Variants in GALNT13 observed in about 807,000 individuals in gnomAD.
The protein encoded by GALNT13 is polypeptide N-acetylgalactosaminyltransferase 13.
In GALNT13, 28 loss-of-function variants were observed where a neutral mutation model predicts 64.2. The ratio of observed to expected loss-of-function variants is 0.44; its 90% CI spans 0.32 to 0.60. The LOEUF (loss-of-function observed/expected upper bound fraction) is 0.60, where lower values mean the gene tolerates loss of function less well. Ranked by LOEUF, GALNT13 falls within the 20% of genes least tolerant of loss-of-function variation. The pLI is 0.05. For missense variants in GALNT13, 577 were observed against 669.8 expected (o/e 0.86, Z 1.53); for synonymous variants, 214 against 224.6 (o/e 0.95, Z 0.42).
chr2:153,723,628 A>T, the GALNT13 span, among the ~76,000 whole-genome samples: 1 of 152,118 alleles, frequency 6.6e-6, no homozygotes, highest in African/African-American at 2.4e-5. Flanking sequence ...ATATCAATGT[A>T]CAAAAATCAC....
the GALNT13 span, among the ~76,000 whole-genome samples, chr2:153,741,391 T>C: frequency 6.6e-6 from 1 of 152,074 alleles, no homozygotes; most frequent in South Asian, 2.1e-4. Flanking sequence ...TTAAGATATT[T>C]TTCTTCAATC....
chr2:153,291,556 C>A, the GALNT13 span, among the ~76,000 whole-genome samples: 1 of 152,204 alleles, frequency 6.6e-6, no homozygotes, highest in Admixed American at 6.5e-5. Context: ...AGCTTTTCAT[C>A]CCCACCACCA....
chr2:154,395,544 G>T (rs1242223762), intron 9 of GALNT13, among the ~76,000 whole-genome samples: 1 of 152,040 alleles, frequency 6.6e-6, no homozygotes, highest in Non-Finnish European at 1.5e-5. Context: ...TCTATTACGT[G>T]AATTATTCTA....
the GALNT13 span, among the ~76,000 whole-genome samples, chr2:153,229,035 A>G: frequency 1.3e-5 from 2 of 152,034 alleles, no homozygotes; most frequent in African/African-American, 4.8e-5. Flanking sequence ...AGTATCAACT[A>G]TTTTTTCCCT....
the GALNT13 span, among the ~76,000 whole-genome samples, chr2:153,336,437 A>C: frequency 6.6e-6 from 1 of 152,178 alleles, no homozygotes; most frequent in Non-Finnish European, 1.5e-5. Flanking sequence ...CATGACCTGG[A>C]TGTGAGACCT....
chr2:154,429,813 C>CA (rs1161256091), intron 11 of GALNT13, among the ~76,000 whole-genome samples: 1 of 152,108 alleles, frequency 6.6e-6, no homozygotes, highest in Non-Finnish European at 1.5e-5. Context: ...GACTTTAAGT[C>CA]AAAAGCAATG....
chr2:153,206,327 CCTT>C, the GALNT13 span, among the ~76,000 whole-genome samples: 2 of 151,968 alleles, frequency 1.3e-5, no homozygotes, highest in Non-Finnish European at 2.9e-5. Context: ...TTGTTCAGGC[CCTT>C]CTTATTTCAT....
chr2:153,667,493 A>G, the GALNT13 span, among the ~76,000 whole-genome samples: 2 of 152,210 alleles, frequency 1.3e-5, no homozygotes, highest in Non-Finnish European at 2.9e-5. Flanking sequence ...AAGAAAAGAA[A>G]TTCCAACCAA....
At chr2:153,415,388 G>A in the GALNT13 span, among the ~76,000 whole-genome samples, 11 of 152,222 alleles carry the variant, frequency 7.2e-5, no homozygotes, top group African/African-American at 2.2e-4. Flanking sequence ...TGCATTTTAG[G>A]TGGCATAACT....
intron 4 of GALNT13, among the ~76,000 whole-genome samples, chr2:154,145,904 G>C (rs1683564266): frequency 1.3e-5 from 2 of 151,898 alleles, no homozygotes; most frequent in Admixed American, 6.6e-5. Context: ...AATAGAAAAT[G>C]AGAATATTAA....
At chr2:153,758,543 G>A in the GALNT13 span, among the ~76,000 whole-genome samples, 1 of 151,860 alleles carries the variant, frequency 6.6e-6, no homozygotes, top group East Asian at 1.9e-4. Context: ...TTACATTTCG[G>A]TAGAATTTTC....
At chr2:154,126,833 G>A (rs1276503774) in intron 3 of GALNT13, among the ~76,000 whole-genome samples, 1 of 151,858 alleles carries the variant, frequency 6.6e-6, no homozygotes, top group Non-Finnish European at 1.5e-5. Context: ...TTATTCACTT[G>A]GGGGTCTCCC....
chr2:153,721,968 C>G, the GALNT13 span, among the ~76,000 whole-genome samples: 6 of 149,040 alleles, frequency 4.0e-5, no homozygotes, highest in Non-Finnish European at 7.4e-5. Context: ...TAATAGACAT[C>G]TACAGAACTC....
At chr2:153,689,593 T>C in the GALNT13 span, among the ~76,000 whole-genome samples, 1 of 152,098 alleles carries the variant, frequency 6.6e-6, no homozygotes, top group African/African-American at 2.4e-5. Flanking sequence ...ACACTATGAA[T>C]TAGATTTTTG....
At chr2:153,167,385 G>T in the GALNT13 span, among the ~76,000 whole-genome samples, 3 of 152,208 alleles carry the variant, frequency 2.0e-5, no homozygotes, top group African/African-American at 7.2e-5. Context: ...TCACCAGGCT[G>T]TCTGATTTGT....
the GALNT13 span, among the ~76,000 whole-genome samples, chr2:153,253,191 G>C: frequency 6.7e-6 from 1 of 149,876 alleles, no homozygotes; most frequent in East Asian, 1.9e-4. Context: ...CACATCCCTT[G>C]TAAGTTGGAT....
the GALNT13 span, among the ~76,000 whole-genome samples, chr2:153,406,909 T>G: frequency 6.6e-6 from 1 of 152,166 alleles, no homozygotes; most frequent in South Asian, 2.1e-4. Context: ...GGTTGAACAT[T>G]ATCATTTTCA....
the GALNT13 span, among the ~76,000 whole-genome samples, chr2:153,691,438 A>G: frequency 6.6e-6 from 1 of 152,154 alleles, no homozygotes; most frequent in African/African-American, 2.4e-5. Context: ...TTCCCTATGC[A>G]TATGATGCTT....
At chr2:154,218,533 T>C (rs998430859) in intron 4 of GALNT13, among the ~76,000 whole-genome samples, 5 of 152,132 alleles carry the variant, frequency 3.3e-5, no homozygotes, top group Admixed American at 6.6e-5. Context: ...TTTATTACTC[T>C]ACCCACTGTA....
Sources: gnomAD v4.1 joint callset for allele counts (sites outside exome capture counted in the v4.1 genomes callset) on GRCh38, gnomAD v4.1.1 for gene constraint, MANE v1.5 for transcripts, NCBI Gene and HGNC (gene_info 2026-07-23, HGNC 2026-07-21) for gene names.